Variants in PCDHGA1 observed in about 807,000 individuals in gnomAD.
PCDHGA1 encodes protocadherin gamma subfamily A, 1.
PCDHGA1 carries 32 observed loss-of-function variants against 58.0 expected under a neutral mutation model. The observed-to-expected ratio is 0.55, with a 90% CI of 0.42 to 0.74. The LOEUF is 0.74. Ranked by LOEUF, PCDHGA1 falls within the 30% of genes least tolerant of loss-of-function variation. The probability of loss-of-function intolerance (pLI) is 0.00; values close to 1 mark genes in which losing one functional copy is unlikely to be tolerated. For missense variants in PCDHGA1, 1,205 were observed against 1,182.3 expected, an observed-to-expected ratio of 1.02 and a Z score of -0.28; for synonymous variants, 498 against 501.1, an observed-to-expected ratio of 0.99 and a Z score of 0.08.
At chr5:141,356,517 A>C (rs1588518468) in intron 1 of PCDHGA1, 2 of 1,614,054 alleles carry the variant, frequency 1.2e-6, no homozygotes. Flanking sequence ...CTCATATTTC[A>C]CTGCAAGTGA....
At chr5:141,498,971 GGGAAGGAA>G (rs201769957) in intron 2 of PCDHGA1, among the ~76,000 whole-genome samples, 18,877 of 110,786 alleles carry the variant, frequency 0.17, 1,784 homozygotes, top group Admixed American at 0.31. Context: ...GAGGGAGGGA[GGGAAGGAA>G]GGAAGGAAGG....
intron 1 of PCDHGA1, among the ~76,000 whole-genome samples, chr5:141,359,096 T>C (rs1761115618): frequency 1.3e-5 from 2 of 152,222 alleles, no homozygotes; most frequent in Non-Finnish European, 2.9e-5. Context: ...TTCTACATGG[T>C]TTTGTATTCA....
At chr5:141,492,834 G>A (rs544218873) in intron 1 of PCDHGA1, among the ~76,000 whole-genome samples, 7 of 152,214 alleles carry the variant, frequency 4.6e-5, no homozygotes, top group African/African-American at 1.7e-4. Context: ...CCTTCCTCCC[G>A]CAGGAAGTGA....
At chr5:141,458,403 C>T (rs1057108239) in intron 1 of PCDHGA1, among the ~76,000 whole-genome samples, 6 of 152,136 alleles carry the variant, frequency 3.9e-5, no homozygotes, top group African/African-American at 1.2e-4. Context: ...CTTGCAGAGA[C>T]GGAGCGGGGG....
chr5:141,447,312 G>C (rs2098534178), intron 1 of PCDHGA1, among the ~76,000 whole-genome samples: 2 of 151,918 alleles, frequency 1.3e-5, no homozygotes, highest in African/African-American at 2.4e-5. Flanking sequence ...GCTAATTTTT[G>C]TATTTTTAGT....
chr5:141,419,645 G>T, intron 1 of PCDHGA1: 1 of 1,612,478 alleles, frequency 6.2e-7, no homozygotes, highest in African/African-American at 1.3e-5. Context: ...GGCCGTGGAC[G>T]CGGACTCGGG....
At chr5:141,403,066 G>A in intron 1 of PCDHGA1, 1 of 1,614,076 alleles carries the variant, frequency 6.2e-7, no homozygotes, top group East Asian at 2.2e-5. Flanking sequence ...TGCCTGAAGA[G>A]ACAGAAAAGG....
chr5:141,374,273 G>A, intron 1 of PCDHGA1: 1 of 1,614,012 alleles, frequency 6.2e-7, no homozygotes, highest in South Asian at 1.1e-5. Flanking sequence ...GGAGCACGGA[G>A]TCCGCATCGT....
At chr5:141,359,942 T>C (rs1471102697) in intron 1 of PCDHGA1, 6 of 497,370 alleles carry the variant, frequency 1.2e-5, no homozygotes, top group Non-Finnish European at 2.0e-5. Flanking sequence ...AGCGTCGCTG[T>C]TGGTCAAAAG....
chr5:141,344,934 G>C, intron 1 of PCDHGA1: 3 of 1,613,922 alleles, frequency 1.9e-6, no homozygotes, highest in Non-Finnish European at 2.5e-6. Context: ...GAGTGGAGAA[G>C]TATCAATATT....
intron 1 of PCDHGA1, chr5:141,398,053 A>C: frequency 2.0e-6 from 3 of 1,516,468 alleles, no homozygotes; most frequent in Non-Finnish European, 2.7e-6. Flanking sequence ...TCGGAGATCC[A>C]AAAATCTACA....
chr5:141,353,757 AT>A (rs1189530295), intron 1 of PCDHGA1, among the ~76,000 whole-genome samples: 1 of 152,166 alleles, frequency 6.6e-6, no homozygotes, highest in Admixed American at 6.5e-5. Flanking sequence ...ACATGTTGAG[AT>A]TTTTTTAATG....
intron 1 of PCDHGA1, chr5:141,370,178 C>G (rs1214381916): frequency 2.2e-5 from 10 of 463,756 alleles, no homozygotes; most frequent in Non-Finnish European, 2.6e-5. Context: ...CGCCGGGTGC[C>G]GCTCTTGGCT....
chr5:141,384,443 A>G, intron 1 of PCDHGA1: 1 of 1,614,030 alleles, frequency 6.2e-7, no homozygotes, highest in Non-Finnish European at 8.5e-7. Flanking sequence ...GGAGTCCTGT[A>G]CGCGCTGCAA....
intron 1 of PCDHGA1, among the ~76,000 whole-genome samples, chr5:141,448,985 A>G (rs2098621528): frequency 6.6e-6 from 1 of 152,026 alleles, no homozygotes; most frequent in South Asian, 2.1e-4. Context: ...TTCCATATTA[A>G]TATATAGAAA....
chr5:141,402,110 T>G (rs900421956), intron 1 of PCDHGA1, among the ~76,000 whole-genome samples: 1 of 152,150 alleles, frequency 6.6e-6, no homozygotes, highest in Admixed American at 6.5e-5. Context: ...ATTACAAAAA[T>G]GTGAAAATTT....
At chr5:141,409,967 AC>A (rs779248187) in intron 1 of PCDHGA1, 29 of 1,613,086 alleles carry the variant, frequency 1.8e-5, no homozygotes, top group Non-Finnish European at 2.4e-5. Flanking sequence ...CTACCTAGTG[AC>A]TAAGGTGGTA....
At position 141,491,798 on chromosome 5, in the gene PCDHGA1, G is replaced by A. The variant is rs1269524283; in HGVS notation, c.2422-3009G>A. 1 of 1,506,648 alleles carries A rather than the reference G, an allele frequency of 6.6e-7. No homozygotes were observed. The highest frequency in any genetic ancestry group is 8.9e-7 in the Non-Finnish European group (1 of 1,128,050). The allele number at this position is 1,506,648 out of a possible 1,614,324, so 93.3% of individuals were successfully genotyped here. ...TTGAACTTGCATCCACTCCTCTCCG[G>A]CCGGCTTGGTCGCTGGCTGCGCTCC... On this transcript the variant is annotated intron_variant, in intron 1 of 3. Coordinates refer to ENST00000517417, the MANE Select transcript of PCDHGA1 (RefSeq NM_018912.3). This position sits in a 1 kb window ranked among gnomAD's most constrained non-coding sequence, Gnocchi z 6.9.
chr5:141,509,143 C>G (rs1022878562), intron 3 of PCDHGA1, among the ~76,000 whole-genome samples: 1 of 152,256 alleles, frequency 6.6e-6, no homozygotes, highest in African/African-American at 2.4e-5. Context: ...AGGCGCATCC[C>G]GGCTCTCCCC....
Sources: allele counts gnomAD v4.1 joint callset (sites outside exome capture counted in the v4.1 genomes callset), GRCh38; gene constraint gnomAD v4.1.1; non-coding constraint Gnocchi (gnomAD v3.1); transcripts MANE v1.5; gene names NCBI Gene and HGNC (gene_info 2026-07-23, HGNC 2026-07-21).